PTPRH: variants seen among roughly 807,000 people sequenced by gnomAD.
The protein encoded by PTPRH is protein tyrosine phosphatase receptor type H.
A neutral mutation model predicts 130.2 loss-of-function variants in PTPRH; 113 were observed. The observed-to-expected ratio is 0.87, with a 90% CI of 0.75 to 1.01. PTPRH has a LOEUF of 1.01. PTPRH is among the 50% of genes least tolerant of loss of function. The pLI is 0.00. For synonymous variants in PTPRH, 556 were observed against 577.9 expected (o/e 0.96, Z 0.54); for missense variants, 1,430 against 1,425.0 (o/e 1.00, Z -0.06).
At chr19:55,204,209 G>A (rs1466265083) in intron 4 of PTPRH, among the ~76,000 whole-genome samples, 161 bp from the exon 5 acceptor site, 4 of 151,960 alleles carry the variant, frequency 2.6e-5, no homozygotes, top group Non-Finnish European at 4.4e-5. Context: ...AGCCTCCGCC[G>A]TCCGGGTTCA....
At chr19:55,200,816 G>A (rs1368746916) in intron 6 of PTPRH, among the ~76,000 whole-genome samples, 3 of 152,130 alleles carry the variant, frequency 2.0e-5, no homozygotes, top group African/African-American at 4.8e-5. Flanking sequence ...GGTGGCTGGT[G>A]CCTGTAGTCC....
chr19:55,186,662 G>T, intron 14 of PTPRH, 122 bp from the exon 15 acceptor site: 2 of 827,758 alleles, frequency 2.4e-6, no homozygotes, highest in South Asian at 1.8e-5. Flanking sequence ...CAAAAGTCAT[G>T]CCGAGACGCA....
At position 55,198,711 on chromosome 19, in the gene PTPRH, T is replaced by TA. The variant is rs756939386; in HGVS notation, c.1621dup (p.Tyr541LeufsTer11). ...CCTCTCGGCCCAGACGGTGAGGTGG[T>TA]ACAGGCTGCCAGCTTCCAGTTCCTT... On this transcript the variant is annotated frameshift_variant, in exon 8 of 20. Coordinates refer to ENST00000376350, the MANE Select transcript of PTPRH (RefSeq NM_002842.5). LOFTEE classifies it high-confidence loss of function. The TA allele has an allele frequency of 8.1e-6, 13 of 1,613,958 alleles. No homozygotes were observed. The highest frequency in any genetic ancestry group is 9.3e-6 in the Non-Finnish European group (11 of 1,179,998).
intron 10 of PTPRH, among the ~76,000 whole-genome samples, chr19:55,195,383 T>C (rs955205970): frequency 2.6e-5 from 4 of 152,072 alleles, no homozygotes; most frequent in African/African-American, 4.8e-5. Flanking sequence ...ATGCCTGTGA[T>C]CCCAGATACT....
chr19:55,187,173 G>A (rs574012563), intron 14 of PTPRH, among the ~76,000 whole-genome samples: 12 of 150,520 alleles, frequency 8.0e-5, no homozygotes, highest in East Asian at 7.9e-4. Context: ...GTGAAACCCT[G>A]TCTCTACCAA....
In PTPRH at chr19:55,202,038, A is replaced by C; in HGVS notation, c.1153+18T>G. ...CTTAAACAAATAAGAGATCAAACAA[A>C]TGGCGACTGCCTCTCACCTGTGGTG... On this transcript the variant is annotated intron_variant, in intron 6 of 19. Transcript: ENST00000376350. 1 of 1,612,928 alleles carries C rather than the reference A, an allele frequency of 6.2e-7. No individual in the cohort carries two copies. The highest frequency in any genetic ancestry group is 8.5e-7 in the Non-Finnish European group (1 of 1,179,172).
rs1473689852 is a variant in PTPRH, at chr19:55,200,514, G to C, written c.1154-12C>G. ...CACTGGGTTGGGGGCTGAGAAAGTA[G>C]GAAGAAGATCCTATGTTGTCGGAGA... On this transcript the variant is annotated splice_polypyrimidine_tract_variant and intron_variant, in intron 6 of 19. Transcript: ENST00000376350. 8 of 1,613,376 alleles carry C rather than the reference G, an allele frequency of 5.0e-6. No individual in the cohort carries two copies. The highest frequency in any genetic ancestry group is 6.8e-6 in the Non-Finnish European group (8 of 1,179,524).
intron 18 of PTPRH, among the ~76,000 whole-genome samples, chr19:55,182,684 TG>T (rs1289842357): frequency 6.6e-6 from 1 of 152,046 alleles, no homozygotes; most frequent in African/African-American, 2.4e-5. Flanking sequence ...CTGAGTGAGG[TG>T]AAGTCCCATT....
rs753203738 is a variant in PTPRH, at chr19:55,202,165, G to A, written c.1044C>T (p.His348=). 2 of 1,614,198 alleles carry A rather than the reference G, an allele frequency of 1.2e-6. No homozygotes were observed. The highest frequency in any genetic ancestry group is 8.5e-7 in the Non-Finnish European group (1 of 1,180,042). ...CAAGTCTATCCACGGTGATGTTGGT[G>A]TGTGCTGTGCTTCGAGTCCCTGCTC... ...GGRAGTRSTA[H]TNITVDRLEP... is the part of the protein sequence containing the mutation. The change falls in exon 6 of 20, where the codon CAC becomes CAT. Residue 348 remains histidine, a synonymous_variant. Coordinates refer to ENST00000376350, the MANE Select transcript of PTPRH (RefSeq NM_002842.5).
chr19:55,209,220 G>A lies in PTPRH; in HGVS notation c.51+163C>T, dbSNP rs1460896412. On this transcript the variant is annotated intron_variant, in intron 1 of 19. Coordinates refer to ENST00000376350, the MANE Select transcript of PTPRH (RefSeq NM_002842.5). The surrounding 1 kb of genome is among the most constrained non-coding windows in gnomAD (Gnocchi z 4.1). Reference sequence around the variant, plus strand: ...CACGACAGTATCTAAGAGCCCAGGTGTAAGACTCTCCTACAGTCTCTGCCA... The same window carrying A: ...CACGACAGTATCTAAGAGCCCAGGTATAAGACTCTCCTACAGTCTCTGCCA... Among the ~76,000 whole-genome samples, 4 of 152,180 alleles carry A rather than the reference G, an allele frequency of 2.6e-5. No individual in the cohort carries two copies. Among genetic ancestry groups the A allele is most frequent in the South Asian group, 4.1e-4 (2 of 4,832 alleles).
At chr19:55,197,055 A>T in intron 9 of PTPRH, 62 bp downstream of exon 9, 1 of 1,568,506 alleles carries the variant, frequency 6.4e-7, no homozygotes, top group Non-Finnish European at 8.7e-7. Flanking sequence ...TTCATCTCTC[A>T]GCTCGCAAGG....
intron 1 of PTPRH, among the ~76,000 whole-genome samples, chr19:55,208,877 T>G (rs553837133): frequency 1.9e-5 from 1 of 53,538 alleles, no homozygotes. Flanking sequence ...GACTCTTGGT[T>G]TGAGGGAGGA....
At chr19:55,191,349 A>G (rs1688857963) in intron 12 of PTPRH, 152 bp downstream of exon 12, 1 of 855,742 alleles carries the variant, frequency 1.2e-6, no homozygotes, top group African/African-American at 1.7e-5. Flanking sequence ...TCACGATGGA[A>G]GGGCCGTGGT....
In PTPRH at chr19:55,196,538, G is replaced by A. The variant is rs760605723; in HGVS notation, c.2241C>T (p.Cys747=). The A allele has an allele frequency of 2.5e-6, 4 of 1,611,570 alleles. No individual in the cohort carries two copies. The highest frequency in any genetic ancestry group is 3.4e-6 in the Non-Finnish European group (4 of 1,179,458). The change falls in exon 10 of 20, where the codon TGC becomes TGT. Residue 747 remains cysteine, a synonymous_variant. Transcript: ENST00000376350. ...GMKVVSHSVV[C]HTESAGVIAG... ...TCCGCTCACCTGCACTCTCGGTGTG[G>A]CAGACCACAGAGTGAGACACGACCT...
chr19:55,201,538 T>G (rs2086864152), intron 6 of PTPRH, among the ~76,000 whole-genome samples: 1 of 152,200 alleles, frequency 6.6e-6, no homozygotes, highest in African/African-American at 2.4e-5. Context: ...GAAACTGAAT[T>G]TGCAGTTTCA....
At chr19:55,196,997 T>C in intron 9 of PTPRH, 120 bp downstream of exon 9, 1 of 1,331,702 alleles carries the variant, frequency 7.5e-7, no homozygotes, top group Non-Finnish European at 1.0e-6. Context: ...CCTCCATCAC[T>C]GCAGCTCATG....
chr19:55,197,766 T>C (rs1305512778), intron 8 of PTPRH, among the ~76,000 whole-genome samples: 1 of 152,198 alleles, frequency 6.6e-6, no homozygotes, highest in Non-Finnish European at 1.5e-5. Context: ...GGATTTGTAG[T>C]CCTCCACCTC....
chr19:55,207,857 G>A (rs556738636), intron 1 of PTPRH, among the ~76,000 whole-genome samples: 1 of 50,650 alleles, frequency 2.0e-5, no homozygotes, highest in Non-Finnish European at 3.7e-5. Flanking sequence ...CTGGTTTGAG[G>A]GAGGAGAGGT....
Position 55,195,325 on chromosome 19 carries a change from CAAAAAAT to C in PTPRH, c.2257+1190_2257+1196del, listed in dbSNP as rs140017534. The stretch of plus-strand genomic sequence containing the variant: ...GGGCGACAAGAGTGAAACTCCGCCT[CAAAAAAT>C]AAAAAATAAAAAATAAAAAGTTAGC... On this transcript the variant is annotated intron_variant, in intron 10 of 19. Coordinates refer to ENST00000376350, the MANE Select transcript of PTPRH (RefSeq NM_002842.5). Among the ~76,000 whole-genome samples, 308 of 149,538 alleles carry C rather than the reference CAAAAAAT, an allele frequency of 2.1e-3. 4 individuals are homozygous for C. Among genetic ancestry groups the C allele is most frequent in the African/African-American group, 6.7e-3 (271 of 40,386 alleles).
Sources: gnomAD v4.1 joint callset for allele counts (sites outside exome capture counted in the v4.1 genomes callset) on GRCh38, gnomAD v4.1.1 for gene constraint, Gnocchi (gnomAD v3.1) non-coding constraint, MANE v1.5 for transcripts, NCBI Gene and HGNC (gene_info 2026-07-23, HGNC 2026-07-21) for gene names.